Variants in CCDC6 observed in about 807,000 individuals in gnomAD.
The protein encoded by CCDC6 is coiled-coil domain-containing protein 6.
In CCDC6, 20 loss-of-function variants were observed where a neutral mutation model predicts 56.6. The observed-to-expected ratio is 0.35, with a 90% confidence interval of 0.25 to 0.51. The LOEUF (loss-of-function observed/expected upper bound fraction) is 0.51. Among genes scored for constraint, CCDC6 ranks in the 20% least tolerant of loss-of-function variants. The pLI, the probability that CCDC6 is intolerant of heterozygous loss-of-function variation, is 0.95. For missense variants in CCDC6, 367 were observed against 601.1 expected (o/e 0.61, Z 4.07); for synonymous variants, 241 against 234.4 (o/e 1.03, Z -0.26).
chr10:59,859,843 T>A (rs2071112569), intron 1 of CCDC6, among the ~76,000 whole-genome samples: 2 of 96,634 alleles, frequency 2.1e-5, no homozygotes, highest in Admixed American at 9.6e-5. Flanking sequence ...GGCGGGCATA[T>A]CATTTGAGGC....
Position 59,852,748 on chromosome 10 carries a change from A to C in CCDC6, c.304-46T>G, listed in dbSNP as rs1203373349. 2.1e-6 allele frequency: 3 copies of C among 1,404,182 alleles called. No homozygotes were observed. The African/African-American group carries it at 4.5e-5, about 21-fold the overall frequency. 87.0% of individuals were successfully genotyped at this position (1,404,182 alleles called of 1,614,324 possible). ...AAAGAACAAAACAAAACACATGTTA[A>C]GGAAACAGGAAATTTACTAATTGAA... On this transcript the variant is annotated intron_variant, in intron 1 of 8. Coordinates refer to ENST00000263102, the MANE Select transcript of CCDC6 (RefSeq NM_005436.5).
intron 1 of CCDC6, among the ~76,000 whole-genome samples, chr10:59,872,691 A>C (rs1231158137): frequency 2.7e-5 from 4 of 150,312 alleles, no homozygotes; most frequent in African/African-American, 9.8e-5. Context: ...TTTCTATTCT[A>C]GTTGGACACA....
intron 2 of CCDC6, among the ~76,000 whole-genome samples, chr10:59,839,147 ACAG>A (rs1327439697): frequency 6.6e-6 from 1 of 152,222 alleles, no homozygotes; most frequent in Non-Finnish European, 1.5e-5. Context: ...GAGTGAAATC[ACAG>A]CTTAAAGGAA....
intron 1 of CCDC6, among the ~76,000 whole-genome samples, chr10:59,853,914 C>T (rs1000811069): frequency 1.3e-5 from 2 of 152,106 alleles, no homozygotes; most frequent in East Asian, 1.9e-4. Flanking sequence ...TCTGTCTAAA[C>T]GGAAAAGCCT....
intron 1 of CCDC6, among the ~76,000 whole-genome samples, chr10:59,877,354 C>G (rs1024079859): frequency 6.6e-5 from 10 of 152,182 alleles, no homozygotes; most frequent in Non-Finnish European, 2.9e-5. Flanking sequence ...ACAGAACATC[C>G]TAGCTAATGC....
chr10:59,875,428 A>G (rs1161384409), intron 1 of CCDC6, among the ~76,000 whole-genome samples: 2 of 152,182 alleles, frequency 1.3e-5, no homozygotes, highest in Non-Finnish European at 2.9e-5. Flanking sequence ...CACCAGAGGA[A>G]AAAGAAGGTT....
At chr10:59,794,393 G>A in intron 8 of CCDC6, 80 bp downstream of exon 8, 1 of 1,439,810 alleles carries the variant, frequency 6.9e-7, no homozygotes. Context: ...ATGTCTAAGG[G>A]CACCGATCCT....
chr10:59,808,000 T>C (rs1363582457), intron 5 of CCDC6, among the ~76,000 whole-genome samples: 1 of 152,216 alleles, frequency 6.6e-6, no homozygotes, highest in African/African-American at 2.4e-5. Flanking sequence ...AAGTCTAATT[T>C]GTGGTGTGTG....
At chr10:59,844,171 T>A (rs2070967902) in intron 2 of CCDC6, among the ~76,000 whole-genome samples, 1 of 152,144 alleles carries the variant, frequency 6.6e-6, no homozygotes, top group Non-Finnish European at 1.5e-5. Flanking sequence ...AAAGCCACAA[T>A]ATAACTTTTA....
intron 1 of CCDC6, among the ~76,000 whole-genome samples, chr10:59,858,553 G>T (rs1281168486): frequency 6.6e-6 from 1 of 152,128 alleles, no homozygotes; most frequent in Non-Finnish European, 1.5e-5. Flanking sequence ...ACCAACTGTG[G>T]TTTCTCTCAA....
intron 8 of CCDC6, 96 bp from the exon 9 acceptor site, chr10:59,793,207 T>G: frequency 1.1e-6 from 1 of 904,964 alleles, no homozygotes; most frequent in South Asian, 1.6e-5. Flanking sequence ...AATCAAACAC[T>G]AACCAACAAA....
intron 1 of CCDC6, among the ~76,000 whole-genome samples, chr10:59,875,142 A>G (rs560133400): frequency 6.6e-6 from 1 of 152,342 alleles, no homozygotes; most frequent in East Asian, 1.9e-4. Context: ...CCACAACATG[A>G]CCCAAATTTT....
In CCDC6 at chr10:59,833,139, T is replaced by C. The variant is rs576315913; in HGVS notation, c.454-486A>G. 2.6e-5 allele frequency among the ~76,000 whole-genome samples: 4 copies of C among 152,280 alleles called. No individual in the cohort carries two copies. The East Asian group carries it at 7.7e-4, about 29-fold the overall frequency. The stretch of plus-strand genomic sequence containing the variant: ...GACTGTATGCCACAGTTACTATATA[T>C]TCCCTAAAAACCAAGAGGGAAAATG... On this transcript the variant is annotated intron_variant, in intron 2 of 8. Coordinates refer to ENST00000263102, the MANE Select transcript of CCDC6 (RefSeq NM_005436.5).
chr10:59,819,393 T>C (rs1471946644), intron 3 of CCDC6, among the ~76,000 whole-genome samples: 1 of 152,064 alleles, frequency 6.6e-6, no homozygotes, highest in African/African-American at 2.4e-5. Flanking sequence ...TGAGGAGCTC[T>C]GGCTGACATT....
intron 2 of CCDC6, among the ~76,000 whole-genome samples, chr10:59,845,386 A>G (rs1208100797): frequency 2.3e-5 from 3 of 128,104 alleles, no homozygotes; most frequent in Non-Finnish European, 3.1e-5. Flanking sequence ...TTAGCACATC[A>G]CATCTAGCCA....
intron 1 of CCDC6, among the ~76,000 whole-genome samples, chr10:59,893,022 T>C (rs2071434163): frequency 6.6e-6 from 1 of 152,158 alleles, no homozygotes. Flanking sequence ...CAATAAAAAA[T>C]AACTCACTAT....
chr10:59,835,189 C>CT (rs2070871474), intron 2 of CCDC6, among the ~76,000 whole-genome samples: 1 of 152,188 alleles, frequency 6.6e-6, no homozygotes, highest in African/African-American at 2.4e-5. Context: ...AAGAACCCTT[C>CT]TTTTTTCTCA....
chr10:59,803,507 T>C (rs1035140988), intron 7 of CCDC6, among the ~76,000 whole-genome samples: 3 of 152,196 alleles, frequency 2.0e-5, no homozygotes, highest in Admixed American at 1.3e-4. Context: ...GAAAATCTGC[T>C]TACCAGCAAG....
intron 1 of CCDC6, among the ~76,000 whole-genome samples, chr10:59,877,230 G>A (rs2071291896): frequency 6.6e-6 from 1 of 152,076 alleles, no homozygotes; most frequent in Non-Finnish European, 1.5e-5. Context: ...CTCCATCTAG[G>A]CATCTACTAA....
Sources: allele counts gnomAD v4.1 joint callset (sites outside exome capture counted in the v4.1 genomes callset), GRCh38; gene constraint gnomAD v4.1.1; transcripts MANE v1.5; gene names NCBI Gene and HGNC (gene_info 2026-07-23, HGNC 2026-07-21).